The following NRG3 variants were observed in gnomAD, a reference collection of about 807,000 sequenced individuals.
The protein encoded by NRG3 is neuregulin 3, also known as pro-neuregulin-3, membrane-bound isoform.
Under a neutral mutation model 66.9 loss-of-function variants are expected in NRG3, and 31 were observed. That is an observed-to-expected ratio of 0.46 (90% CI 0.35 to 0.63). The LOEUF is 0.63. NRG3 is among the 20% of genes least tolerant of loss of function. The probability of loss-of-function intolerance (pLI) is 0.00; values close to 1 mark genes in which losing one functional copy is unlikely to be tolerated. For missense variants in NRG3, 910 were observed against 878.9 expected, an observed-to-expected ratio of 1.04 and a Z score of -0.45; for synonymous variants, 393 against 359.4, an observed-to-expected ratio of 1.09 and a Z score of -1.06.
intron 2 of NRG3, among the ~76,000 whole-genome samples, chr10:82,735,905 C>T (rs1047869762): frequency 7.0e-6 from 1 of 143,252 alleles, no homozygotes; most frequent in Non-Finnish European, 1.5e-5. Context: ...ACATGTATCC[C>T]AGAACTTAAA....
chr10:82,226,131 G>T (rs1315714767), intron 1 of NRG3, among the ~76,000 whole-genome samples: 1 of 152,208 alleles, frequency 6.6e-6, no homozygotes, highest in East Asian at 1.9e-4. Flanking sequence ...CAAACAACAT[G>T]TTAAGGAAAT....
chr10:81,992,457 A>C (rs1251488960), intron 1 of NRG3, among the ~76,000 whole-genome samples: 1 of 152,198 alleles, frequency 6.6e-6, no homozygotes, highest in Non-Finnish European at 1.5e-5. Context: ...GCTGGGCATA[A>C]GAAACATATA....
chr10:82,786,262 G>A (rs1482400104), intron 3 of NRG3, among the ~76,000 whole-genome samples: 2 of 152,178 alleles, frequency 1.3e-5, no homozygotes, highest in Non-Finnish European at 2.9e-5. Context: ...GGTGGACTGA[G>A]CCAAACAAAA....
chr10:82,298,954 T>G (rs1030017110), intron 1 of NRG3, among the ~76,000 whole-genome samples: 1 of 152,158 alleles, frequency 6.6e-6, no homozygotes, highest in African/African-American at 2.4e-5. Context: ...GGAGTTGGCA[T>G]AGCAGGCTGC....
At chr10:82,470,644 C>A (rs773816819) in intron 2 of NRG3, among the ~76,000 whole-genome samples, 2 of 152,206 alleles carry the variant, frequency 1.3e-5, no homozygotes, top group Non-Finnish European at 2.9e-5. Flanking sequence ...AGAACTCAGC[C>A]AGGTTAAACA....
At chr10:82,811,819 G>A (rs953304156) in intron 3 of NRG3, among the ~76,000 whole-genome samples, 1 of 152,172 alleles carries the variant, frequency 6.6e-6, no homozygotes, top group Non-Finnish European at 1.5e-5. Flanking sequence ...CCTCCAGGGG[G>A]CAGGCTTTGA....
rs1414979608 is a variant in NRG3, at chr10:82,185,141, A to G, written c.824-173598A>G. ...CCCTGGGAGATCCAGACTCAGGACC[A>G]GTCCTGGCCAAGACTCTTTTGAGCT... On this transcript the variant is annotated intron_variant, in intron 1 of 8. Coordinates refer to ENST00000372141, the MANE Select transcript of NRG3 (RefSeq NM_001010848.4). 2.0e-5 allele frequency among the ~76,000 whole-genome samples: 3 copies of G among 152,146 alleles called. 1 individual carries two copies. The highest frequency in any genetic ancestry group is 4.4e-5 in the Non-Finnish European group (3 of 68,024).
intron 1 of NRG3, among the ~76,000 whole-genome samples, chr10:82,084,143 G>A (rs1004687486): frequency 1.1e-4 from 16 of 152,106 alleles, no homozygotes; most frequent in African/African-American, 3.4e-4. Context: ...CAGGAGAATT[G>A]CTTGAACCTG....
intron 2 of NRG3, among the ~76,000 whole-genome samples, chr10:82,571,871 A>G (rs1480347989): frequency 6.6e-6 from 1 of 151,634 alleles, no homozygotes; most frequent in African/African-American, 2.4e-5. Context: ...ACATGAAACA[A>G]TTTTTCTTGA....
chr10:82,222,596 A>G (rs2075991323), intron 1 of NRG3, among the ~76,000 whole-genome samples: 1 of 149,722 alleles, frequency 6.7e-6, no homozygotes, highest in Non-Finnish European at 1.5e-5. Context: ...ACCAATTACT[A>G]CCTTCAGATC....
intron 3 of NRG3, among the ~76,000 whole-genome samples, chr10:82,840,574 G>T (rs184488404): frequency 6.6e-6 from 1 of 152,230 alleles, no homozygotes; most frequent in East Asian, 1.9e-4. Context: ...GCCCAATTAG[G>T]ATGGATAAGT....
At chr10:82,935,936 C>A (rs543778183) in intron 4 of NRG3, among the ~76,000 whole-genome samples, 38 of 150,994 alleles carry the variant, frequency 2.5e-4, no homozygotes, top group Non-Finnish European at 4.0e-4. Flanking sequence ...ACATAAAGAT[C>A]AAAAATAGAT....
intron 2 of NRG3, among the ~76,000 whole-genome samples, chr10:82,458,308 C>T (rs1266260024): frequency 6.6e-6 from 1 of 152,188 alleles, no homozygotes; most frequent in Non-Finnish European, 1.5e-5. Flanking sequence ...AAGAGTGTTT[C>T]CCTCTTTGGC....
chr10:82,465,164 T>C (rs1269400077), intron 2 of NRG3, among the ~76,000 whole-genome samples: 1 of 152,206 alleles, frequency 6.6e-6, no homozygotes, highest in Non-Finnish European at 1.5e-5. Flanking sequence ...ATTAACTAAA[T>C]AACGGTGCTG....
chr10:82,627,618 C>A (rs2133689243), intron 2 of NRG3, among the ~76,000 whole-genome samples: 1 of 152,144 alleles, frequency 6.6e-6, no homozygotes, highest in African/African-American at 2.4e-5. Flanking sequence ...ATTATCTTTA[C>A]CAGAATTTTC....
chr10:82,150,829 A>G (rs1266652586), intron 1 of NRG3, among the ~76,000 whole-genome samples: 1 of 152,174 alleles, frequency 6.6e-6, no homozygotes, highest in Non-Finnish European at 1.5e-5. Context: ...TTCTAAGCCT[A>G]GGACATTTTC....
intron 1 of NRG3, among the ~76,000 whole-genome samples, chr10:82,112,045 C>A (rs2067419479): frequency 6.6e-6 from 1 of 151,914 alleles, no homozygotes; most frequent in African/African-American, 2.4e-5. Context: ...GAGTTTGAGA[C>A]TATCCTGGGC....
intron 2 of NRG3, among the ~76,000 whole-genome samples, chr10:82,574,801 C>T (rs2045939942): frequency 6.6e-6 from 1 of 151,728 alleles, no homozygotes; most frequent in South Asian, 2.1e-4. Flanking sequence ...TTTACTTAAA[C>T]ATTATGTAAA....
chr10:82,414,324 T>G (rs1180425800), intron 2 of NRG3, among the ~76,000 whole-genome samples: 4 of 152,134 alleles, frequency 2.6e-5, no homozygotes, highest in African/African-American at 7.2e-5. Flanking sequence ...GGTGAAGCAG[T>G]CAGAACACAC....
Sources: gnomAD v4.1 joint callset for allele counts (sites outside exome capture counted in the v4.1 genomes callset) on GRCh38, gnomAD v4.1.1 for gene constraint, MANE v1.5 for transcripts, NCBI Gene and HGNC (gene_info 2026-07-23, HGNC 2026-07-21) for gene names.